Variants in EYA2 observed in about 807,000 individuals in gnomAD.
EYA2 encodes protein phosphatase EYA2.
EYA2 carries 31 observed loss-of-function variants against 69.2 expected under a neutral mutation model. That is an observed-to-expected ratio of 0.45 (90% CI 0.34 to 0.60). The LOEUF (loss-of-function observed/expected upper bound fraction) is 0.60. Ranked by LOEUF, EYA2 falls within the 20% of genes least tolerant of loss-of-function variation. EYA2 has a pLI of 0.02. For missense variants in EYA2, 622 were observed against 701.2 expected (o/e 0.89, Z 1.28); for synonymous variants, 257 against 279.4 (o/e 0.92, Z 0.80).
intron 1 of EYA2, among the ~76,000 whole-genome samples, chr20:46,968,525 G>A (rs971638184): frequency 2.0e-5 from 3 of 152,150 alleles, no homozygotes; most frequent in African/African-American, 7.2e-5. Flanking sequence ...GTTTAAACAT[G>A]TTGGTTTGGA....
At chr20:46,916,130 C>G (rs1292374669) in intron 1 of EYA2, among the ~76,000 whole-genome samples, 2 of 152,172 alleles carry the variant, frequency 1.3e-5, no homozygotes, top group African/African-American at 4.8e-5. Context: ...TCTGAGGTTA[C>G]CTTCCCCTTC....
Position 46,905,262 on chromosome 20 carries a change from G to A in EYA2, c.-11+10275G>A, listed in dbSNP as rs559345787. ...ATGGAAACTGAGACTTGGACAGATC[G>A]AGTGACTGCCCAGCGGCATTCCATT... On this transcript the variant is annotated intron_variant, in intron 1 of 15. Transcript: ENST00000327619. 3.9e-5 allele frequency among the ~76,000 whole-genome samples: 6 copies of A among 152,076 alleles called. No individual in the cohort carries two copies. In the South Asian group the frequency reaches 6.2e-4, roughly 16 times the overall value.
chr20:46,963,177 C>T (rs1979577302), intron 1 of EYA2, among the ~76,000 whole-genome samples: 1 of 152,228 alleles, frequency 6.6e-6, no homozygotes, highest in African/African-American at 2.4e-5. Flanking sequence ...CAGTCCCCTA[C>T]TGGTGTTTCT....
At chr20:46,916,739 G>A (rs1034927180) in intron 1 of EYA2, among the ~76,000 whole-genome samples, 4 of 152,124 alleles carry the variant, frequency 2.6e-5, no homozygotes, top group African/African-American at 9.7e-5. Context: ...AGCTCGGGGT[G>A]CTAGGCTTTA....
intron 5 of EYA2, among the ~76,000 whole-genome samples, chr20:47,037,824 AC>A (rs1198098516): frequency 6.6e-6 from 1 of 152,162 alleles, no homozygotes; most frequent in Non-Finnish European, 1.5e-5. Flanking sequence ...CTGCTTAGCA[AC>A]CTTAATTCCA....
In EYA2 at chr20:47,005,185, C is replaced by A. The variant is rs920655101; in HGVS notation, c.298+101C>A. The A allele has an allele frequency of 2.2e-6, 3 of 1,353,354 alleles. No individual in the cohort carries two copies. The East Asian group carries it at 7.0e-5, about 32-fold the overall frequency. 83.8% of individuals were successfully genotyped at this position (1,353,354 alleles called of 1,614,324 possible). On this transcript the variant is annotated intron_variant, in intron 4 of 15. Coordinates refer to ENST00000327619, the MANE Select transcript of EYA2 (RefSeq NM_005244.5). Reference sequence around the variant, plus strand: ...CTAAATGTGGATTAATAGACACAACCAAGCTGATTTTGGATTAGAGATAAA... The same window carrying A: ...CTAAATGTGGATTAATAGACACAACAAAGCTGATTTTGGATTAGAGATAAA...
intron 10 of EYA2, among the ~76,000 whole-genome samples, 178 bp from the exon 11 acceptor site, chr20:47,168,961 G>A (rs1448115795): frequency 6.6e-6 from 1 of 152,154 alleles, no homozygotes; most frequent in African/African-American, 2.4e-5. Flanking sequence ...AAGAGGATGA[G>A]ATTGAACCCA....
At chr20:47,161,395 G>C (rs2034063759) in intron 10 of EYA2, 1 of 419,830 alleles carries the variant, frequency 2.4e-6, no homozygotes, top group Admixed American at 3.1e-5. Flanking sequence ...TTTTGTACTG[G>C]CATGATCTTC....
chr20:47,066,229 G>A (rs1196116731), intron 5 of EYA2, among the ~76,000 whole-genome samples: 2 of 152,078 alleles, frequency 1.3e-5, no homozygotes, highest in African/African-American at 4.8e-5. Context: ...CTACTCAGGA[G>A]GCTAAGGTAG....
intron 5 of EYA2, among the ~76,000 whole-genome samples, chr20:47,043,294 G>T (rs1169842624): frequency 1.3e-5 from 2 of 152,134 alleles, no homozygotes; most frequent in Non-Finnish European, 2.9e-5. Context: ...ATTTAAGTAG[G>T]ACAGGAGGCA....
chr20:46,926,117 G>C (rs922270419), intron 1 of EYA2, among the ~76,000 whole-genome samples: 1 of 152,152 alleles, frequency 6.6e-6, no homozygotes, highest in African/African-American at 2.4e-5. Context: ...ATCCACATTT[G>C]CTTCTGTTTA....
intron 9 of EYA2, among the ~76,000 whole-genome samples, chr20:47,132,520 G>A (rs2033366934): frequency 3.3e-5 from 5 of 152,164 alleles, no homozygotes; most frequent in Admixed American, 3.3e-4. Context: ...GCCCTGGAAA[G>A]GACTCACTGC....
chr20:46,978,475 G>A (rs966089832), intron 1 of EYA2: 2 of 469,450 alleles, frequency 4.3e-6, no homozygotes, highest in Non-Finnish European at 8.8e-6. Flanking sequence ...GGAACAGCAT[G>A]TACAAAGGCC....
intron 9 of EYA2, among the ~76,000 whole-genome samples, chr20:47,127,791 AT>A (rs2033235638): frequency 1.3e-5 from 2 of 152,166 alleles, no homozygotes; most frequent in African/African-American, 4.8e-5. Flanking sequence ...AGATGTCAGA[AT>A]TCAAGCTTCT....
intron 5 of EYA2, among the ~76,000 whole-genome samples, chr20:47,030,640 C>G (rs1984356654): frequency 6.6e-6 from 1 of 152,302 alleles, no homozygotes; most frequent in East Asian, 1.9e-4. Context: ...GCTCTGGGAG[C>G]TAGAAGTCCC....
At chr20:46,926,568 G>A (rs1365030944) in intron 1 of EYA2, among the ~76,000 whole-genome samples, 3 of 152,114 alleles carry the variant, frequency 2.0e-5, no homozygotes, top group Non-Finnish European at 4.4e-5. Context: ...TTTGGGGAGG[G>A]CCATGTACTT....
rs2031428820 is a variant in EYA2 at position 47,074,293 on chromosome 20, G to C, written c.619G>C (p.Ala207Pro). 1.2e-6 allele frequency: 2 copies of C among 1,613,938 alleles called. No homozygotes were observed. The highest frequency in any genetic ancestry group is 1.7e-5 in the Admixed American group (1 of 59,992). Reference protein sequence around the residue: ...LSTSTYVLQEASHNVPNQSSE... With the variant: ...LSTSTYVLQEPSHNVPNQSSE... ...CACGTCCACCTACGTCCTCCAGGAGGCATCTCACAACGTCCCCAACCAGAG... is the reference window on the plus strand; with the variant it reads ...CACGTCCACCTACGTCCTCCAGGAGCCATCTCACAACGTCCCCAACCAGAG... Residue 207 changes from alanine to proline, a missense_variant, in exon 7 of 16, where the codon GCA (alanine) becomes CCA (proline). Coordinates refer to ENST00000327619, the MANE Select transcript of EYA2 (RefSeq NM_005244.5).
intron 1 of EYA2, among the ~76,000 whole-genome samples, chr20:46,986,197 A>C (rs1981170033): frequency 6.6e-6 from 1 of 151,682 alleles, no homozygotes; most frequent in African/African-American, 2.4e-5. Flanking sequence ...GAGAAACAAG[A>C]AAACAGGCAC....
At chr20:46,991,670 C>T (rs1981666998) in intron 2 of EYA2, among the ~76,000 whole-genome samples, 1 of 152,122 alleles carries the variant, frequency 6.6e-6, no homozygotes, top group South Asian at 2.1e-4. Flanking sequence ...TCTGGTTTAT[C>T]TTAAAAGACT....
Sources: gnomAD v4.1 joint callset for allele counts (sites outside exome capture counted in the v4.1 genomes callset) on GRCh38, gnomAD v4.1.1 for gene constraint, MANE v1.5 for transcripts, NCBI Gene and HGNC (gene_info 2026-07-23, HGNC 2026-07-21) for gene names.